The following MRTFB variants were observed in gnomAD, a reference collection of about 807,000 sequenced individuals.
MRTFB encodes the protein myocardin related transcription factor B, also known as myocardin-related transcription factor B.
A neutral mutation model predicts 104.2 loss-of-function variants in MRTFB; 29 were observed. The observed-to-expected ratio is 0.28, with a 90% CI of 0.21 to 0.38. MRTFB has a LOEUF of 0.38. Ranked by LOEUF, MRTFB falls within the 10% of genes least tolerant of loss-of-function variation. MRTFB has a pLI of 1.00. For missense variants in MRTFB, 1,270 were observed against 1,341.6 expected (o/e 0.95, Z 0.83); for synonymous variants, 535 against 519.5 (o/e 1.03, Z -0.41).
chr16:14,190,713 T>C (rs2040140693), intron 3 of MRTFB, among the ~76,000 whole-genome samples: 1 of 152,212 alleles, frequency 6.6e-6, no homozygotes, highest in Non-Finnish European at 1.5e-5. Context: ...GTTTTAACCA[T>C]TCAAAGTGCA....
chr16:14,248,998 G>A lies in MRTFB; in HGVS notation c.2320G>A (p.Ala774Thr). ...TGCACAAATACCAACTGCTGCCTTG[G>A]CCTCAGGCTTGGCCCCAACTGTACC... ...TAAQIPTAAL[A>T]SGLAPTVPQT... Residue 774 changes from alanine (A) to threonine (T), a missense_variant, in exon 13 of 17, where the codon GCC (alanine) becomes ACC (threonine). Ala to Thr is a moderately conservative substitution (Grantham distance 58). Coordinates refer to ENST00000571589, the MANE Select transcript of MRTFB (RefSeq NM_001308142.2). 6.2e-7 allele frequency: 1 copy of A among 1,614,124 alleles called. No homozygotes were observed. The highest frequency in any genetic ancestry group is 8.5e-7 in the Non-Finnish European group (1 of 1,180,018).
At chr16:14,001,401 G>C in the MRTFB span, among the ~76,000 whole-genome samples, 1 of 152,160 alleles carries the variant, frequency 6.6e-6, no homozygotes, top group African/African-American at 2.4e-5. Context: ...AAAGCCAGTG[G>C]GAAAGATCCA....
intron 15 of MRTFB, among the ~76,000 whole-genome samples, chr16:14,254,504 A>G (rs1037241894): frequency 1.3e-5 from 2 of 152,216 alleles, no homozygotes; most frequent in African/African-American, 4.8e-5. Context: ...CTGAATTGAG[A>G]GCAACCAGAG....
chr16:14,143,125 C>T (rs1186717357), intron 3 of MRTFB: 1 of 144,364 alleles, frequency 6.9e-6, no homozygotes, highest in Non-Finnish European at 1.5e-5. Context: ...GTTACAGCAG[C>T]TTTGTAACAT....
chr16:14,247,679 T>C (rs1453152435), intron 12 of MRTFB, 172 bp downstream of exon 12: 15 of 624,090 alleles, frequency 2.4e-5, no homozygotes, highest in South Asian at 8.6e-5. Flanking sequence ...TCTAGCACTG[T>C]TTTTATATAG....
chr16:14,164,433 T>C (rs1194777757), intron 3 of MRTFB, among the ~76,000 whole-genome samples: 1 of 152,088 alleles, frequency 6.6e-6, no homozygotes, highest in Non-Finnish European at 1.5e-5. Context: ...AGTATTCTGT[T>C]GTGTGTTTGC....
intron 2 of MRTFB, among the ~76,000 whole-genome samples, chr16:14,102,013 A>G (rs149745546): frequency 5.3e-4 from 80 of 152,314 alleles, no homozygotes; most frequent in African/African-American, 1.8e-3. Flanking sequence ...GAGAGGCACT[A>G]ATGGGACTGG....
At chr16:14,179,609 C>T (rs773156790) in intron 3 of MRTFB, among the ~76,000 whole-genome samples, 17 of 152,156 alleles carry the variant, frequency 1.1e-4, no homozygotes, top group Non-Finnish European at 2.2e-4. Flanking sequence ...TAAAATTAGT[C>T]ATTTGTGGGC....
the MRTFB span, among the ~76,000 whole-genome samples, chr16:13,994,809 T>C: frequency 3.9e-5 from 6 of 152,176 alleles, no homozygotes; most frequent in African/African-American, 1.4e-4. Flanking sequence ...TAAGAATAAG[T>C]AATGAACTCA....
At chr16:14,112,165 GTAAGAGCCCATA>G (rs2036304419) in intron 2 of MRTFB, among the ~76,000 whole-genome samples, 1 of 152,186 alleles carries the variant, frequency 6.6e-6, no homozygotes, top group Admixed American at 6.5e-5. Context: ...AGCAGAAAGA[GTAAGAGCCCATA>G]TCAAGGGAGG....
At chr16:14,149,967 G>T (rs891758183) in intron 3 of MRTFB, among the ~76,000 whole-genome samples, 1 of 152,190 alleles carries the variant, frequency 6.6e-6, no homozygotes, top group Non-Finnish European at 1.5e-5. Flanking sequence ...CTTCTAGATT[G>T]TTGGGAAGAT....
chr16:14,166,207 G>GTTTTC (rs1257037385), intron 3 of MRTFB, among the ~76,000 whole-genome samples: 7 of 125,670 alleles, frequency 5.6e-5, no homozygotes, highest in African/African-American at 2.2e-4. Flanking sequence ...TTTTGTGTGG[G>GTTTTC]TTTTCTTTTC....
the MRTFB span, among the ~76,000 whole-genome samples, chr16:14,001,177 G>A: frequency 2.0e-5 from 3 of 152,236 alleles, no homozygotes; most frequent in Non-Finnish European, 4.4e-5. Context: ...GCAAGCAACC[G>A]AAACACTGAT....
chr16:14,026,875 G>C, the MRTFB span, among the ~76,000 whole-genome samples: 1 of 47,598 alleles, frequency 2.1e-5, no homozygotes, highest in Non-Finnish European at 8.0e-5. Context: ...TATTAGTATG[G>C]CTCAAATAAA....
Position 14,177,995 on chromosome 16 carries a change from TAGG to T in MRTFB, c.155-32245_155-32243del, listed in dbSNP as rs997272163. 1.3e-5 allele frequency among the ~76,000 whole-genome samples: 2 copies of T among 151,450 alleles called. No homozygotes were observed. Among genetic ancestry groups the T allele is most frequent in the Non-Finnish European group, 1.5e-5 (1 of 67,924 alleles). On this transcript the variant is annotated intron_variant, in intron 3 of 16. Coordinates refer to ENST00000571589, the MANE Select transcript of MRTFB (RefSeq NM_001308142.2). This position sits in a 1 kb window ranked among gnomAD's most constrained non-coding sequence, Gnocchi z 4.7. ...ATGCCAGTACACAGTTTGAAATTAT[TAGG>T]AGAGATGGTGCAGAAATGGAAAGTC...
chr16:14,241,477 T>A (rs558992112), intron 10 of MRTFB: 10 of 152,328 alleles, frequency 6.6e-5, no homozygotes, highest in African/African-American at 2.2e-4. Flanking sequence ...AATGCAAAGA[T>A]CTTGTCTTCA....
At chr16:14,105,217 A>AGTTCTCAAGTTCT (rs2035906844) in intron 2 of MRTFB, among the ~76,000 whole-genome samples, 1 of 152,198 alleles carries the variant, frequency 6.6e-6, no homozygotes, top group African/African-American at 2.4e-5. Context: ...AAGTTCTCAT[A>AGTTCTCAAGTTCT]CTACCCCTTG....
intron 1 of MRTFB, among the ~76,000 whole-genome samples, chr16:14,071,743 C>A (rs1399354876): frequency 1.3e-5 from 2 of 152,122 alleles, no homozygotes; most frequent in African/African-American, 4.8e-5. Context: ...AGAGGTGGAG[C>A]GCCCGGGCCA....
intron 3 of MRTFB, among the ~76,000 whole-genome samples, chr16:14,172,829 T>C (rs1014642302): frequency 1.3e-5 from 2 of 152,222 alleles, no homozygotes; most frequent in Non-Finnish European, 2.9e-5. Flanking sequence ...GAATGAATTA[T>C]CTGTTTATTT....
Sources: gnomAD v4.1 joint callset for allele counts (sites outside exome capture counted in the v4.1 genomes callset) on GRCh38, gnomAD v4.1.1 for gene constraint, Gnocchi (gnomAD v3.1) non-coding constraint, MANE v1.5 for transcripts, NCBI Gene and HGNC (gene_info 2026-07-23, HGNC 2026-07-21) for gene names.